GABBR2: variants seen among roughly 807,000 people sequenced by gnomAD.
The protein encoded by GABBR2 is gamma-aminobutyric acid type B receptor subunit 2.
A neutral mutation model predicts 105.6 loss-of-function variants in GABBR2; 23 were observed. The ratio of observed to expected loss-of-function variants is 0.22; its 90% CI spans 0.16 to 0.31. The LOEUF is 0.31. Among genes scored for constraint, GABBR2 ranks in the 10% least tolerant of loss-of-function variants. The pLI is 1.00. For synonymous variants in GABBR2, 478 were observed against 499.7 expected (o/e 0.96, Z 0.58); for missense variants, 734 against 1,245.5 (o/e 0.59, Z 6.18).
chr9:98,355,400 G>A (rs1588118465), intron 13 of GABBR2, among the ~76,000 whole-genome samples: 3 of 151,616 alleles, frequency 2.0e-5, no homozygotes, highest in African/African-American at 7.2e-5. Context: ...AATCTGCAAA[G>A]TGCAATAAAG....
chr9:98,680,563 C>T (rs1265384421), intron 1 of GABBR2, among the ~76,000 whole-genome samples: 1 of 152,176 alleles, frequency 6.6e-6, no homozygotes, highest in Non-Finnish European at 1.5e-5. Flanking sequence ...CCCACCTCGG[C>T]CTCCCAAAGT....
At chr9:98,648,850 T>C (rs1930135) in intron 1 of GABBR2, among the ~76,000 whole-genome samples, 97,841 of 152,018 alleles carry the variant, frequency 0.64, 32,459 homozygotes, top group Middle Eastern at 0.81. Flanking sequence ...TAGAATACTA[T>C]TAAGTTTCTT....
Position 98,351,380 on chromosome 9 carries a change from C to A in GABBR2, c.1893+11335G>T, listed in dbSNP as rs562851313. Among the ~76,000 whole-genome samples the A allele has an allele frequency of 4.5e-4, 67 of 149,620 alleles. No homozygotes were observed. In the Middle Eastern group the frequency reaches 0.01, roughly 23 times the overall value. ...TTTCAATGGTGCTAACATTTCATTTCTTTCTCTTTCTTATTCGTGTCTCTT... is the reference window on the plus strand; with the variant it reads ...TTTCAATGGTGCTAACATTTCATTTATTTCTCTTTCTTATTCGTGTCTCTT... On this transcript the variant is annotated intron_variant, in intron 13 of 18. Transcript: ENST00000259455.
intron 1 of GABBR2, among the ~76,000 whole-genome samples, chr9:98,662,819 C>A (rs952114584): frequency 6.6e-6 from 1 of 152,144 alleles, no homozygotes; most frequent in Non-Finnish European, 1.5e-5. Context: ...CACGTGTATC[C>A]CCCCATCTCT....
At chr9:98,598,242 C>T (rs543899801) in intron 1 of GABBR2, among the ~76,000 whole-genome samples, 1 of 152,284 alleles carries the variant, frequency 6.6e-6, no homozygotes, top group Non-Finnish European at 1.5e-5. Context: ...GCCAGAGAGA[C>T]ATCTTGGAGG....
At chr9:98,457,132 A>G (rs1216064701) in intron 6 of GABBR2, among the ~76,000 whole-genome samples, 1 of 152,256 alleles carries the variant, frequency 6.6e-6, no homozygotes, top group East Asian at 1.9e-4. Flanking sequence ...GTTAAGCATC[A>G]CAGAAATGAG....
chr9:98,554,339 G>A (rs530828458), intron 2 of GABBR2, among the ~76,000 whole-genome samples: 6 of 151,932 alleles, frequency 3.9e-5, no homozygotes, highest in South Asian at 4.2e-4. Flanking sequence ...CAGCCTGAGC[G>A]AGAGTGAGGC....
At chr9:98,313,765 AG>A (rs34667798) in intron 13 of GABBR2, among the ~76,000 whole-genome samples, 1 of 151,840 alleles carries the variant, frequency 6.6e-6, no homozygotes, top group Non-Finnish European at 1.5e-5. Context: ...ACTAGGAAGA[AG>A]GTACTTTGAT....
chr9:98,383,249 C>A (rs1337324134), intron 11 of GABBR2, among the ~76,000 whole-genome samples: 2 of 152,182 alleles, frequency 1.3e-5, no homozygotes, highest in African/African-American at 4.8e-5. Flanking sequence ...CCCCAGGAGG[C>A]CATACTCTTT....
chr9:98,567,087 C>G (rs1003736211), intron 2 of GABBR2, among the ~76,000 whole-genome samples: 3 of 152,222 alleles, frequency 2.0e-5, no homozygotes, highest in African/African-American at 7.2e-5. Flanking sequence ...GCAGCACCAG[C>G]TGTACCGTAA....
At chr9:98,383,307 C>CA (rs1832012315) in intron 11 of GABBR2, among the ~76,000 whole-genome samples, 1 of 152,204 alleles carries the variant, frequency 6.6e-6, no homozygotes, top group Non-Finnish European at 1.5e-5. Context: ...TTGAGAAGCT[C>CA]AGCTTCTTTG....
At chr9:98,622,692 C>G (rs1207852425) in intron 1 of GABBR2, among the ~76,000 whole-genome samples, 1 of 152,158 alleles carries the variant, frequency 6.6e-6, no homozygotes, top group Non-Finnish European at 1.5e-5. Context: ...GCAGTGCCCC[C>G]CCAGCCCCAT....
At chr9:98,512,653 C>T (rs2131698631) in intron 3 of GABBR2, among the ~76,000 whole-genome samples, 1 of 152,184 alleles carries the variant, frequency 6.6e-6, no homozygotes, top group South Asian at 2.1e-4. Context: ...TTCCCATTCA[C>T]AATTGCTTCA....
At position 98,496,473 on chromosome 9, in the gene GABBR2, A is replaced by T. The variant is rs1827282283; in HGVS notation, c.672T>A (p.Ile224=). The stretch of plus-strand genomic sequence containing the variant: ...AGAAGCTCTCGGTGTCTGAAATCTC[A>T]ATGTCCTCGCCATACAGAACTCCAG... ...DLTGVLYGED[I]EISDTESFSN... Residue 224 remains isoleucine (I), a synonymous_variant, in exon 4 of 19, where the codon ATT becomes ATA. Transcript: ENST00000259455. 1.9e-6 allele frequency: 3 copies of T among 1,613,248 alleles called. No individual in the cohort carries two copies. Among genetic ancestry groups the T allele is most frequent in the Non-Finnish European group, 1.7e-6 (2 of 1,179,508 alleles).
intron 1 of GABBR2, among the ~76,000 whole-genome samples, chr9:98,658,444 G>A (rs1830212163): frequency 6.6e-6 from 1 of 151,946 alleles, no homozygotes; most frequent in African/African-American, 2.4e-5. Flanking sequence ...GGTGTGACCT[G>A]GCTAACTCAA....
chr9:98,364,127 C>T (rs693135), intron 12 of GABBR2, among the ~76,000 whole-genome samples: 67,065 of 151,676 alleles, frequency 0.44, 17,069 homozygotes, highest in African/African-American at 0.71. Flanking sequence ...CCAGCAAAAC[C>T]GCTGTACCTG....
At chr9:98,356,034 ACCTTTCACAAAATTT>A (rs1831477597) in intron 13 of GABBR2, among the ~76,000 whole-genome samples, 2 of 152,202 alleles carry the variant, frequency 1.3e-5, no homozygotes, top group African/African-American at 4.8e-5. Flanking sequence ...TAGACCTTAC[ACCTTTCACAAAATTT>A]TACTCAAAAT....
intron 13 of GABBR2, among the ~76,000 whole-genome samples, chr9:98,320,643 C>T (rs1327060212): frequency 3.3e-5 from 5 of 152,108 alleles, no homozygotes; most frequent in Non-Finnish European, 7.3e-5. Context: ...GAATACTGTG[C>T]AGCCTTAAAA....
At chr9:98,544,141 C>G (rs1371032575) in intron 2 of GABBR2, among the ~76,000 whole-genome samples, 1 of 152,072 alleles carries the variant, frequency 6.6e-6, no homozygotes, top group Non-Finnish European at 1.5e-5. Flanking sequence ...CTTGCTTGTC[C>G]CAGCAGCAGC....
Sources: gnomAD v4.1 joint callset for allele counts (sites outside exome capture counted in the v4.1 genomes callset) on GRCh38, gnomAD v4.1.1 for gene constraint, MANE v1.5 for transcripts, NCBI Gene and HGNC (gene_info 2026-07-23, HGNC 2026-07-21) for gene names.